Variants in LRP11 observed in about 807,000 individuals in gnomAD.
LRP11 encodes the protein low-density lipoprotein receptor-related protein 11.
Under a neutral mutation model 43.1 loss-of-function variants are expected in LRP11, and 25 were observed. The observed-to-expected ratio is 0.58, with a 90% CI of 0.42 to 0.81. LRP11 has a LOEUF of 0.81. Among genes scored for constraint, LRP11 ranks in the 30% least tolerant of loss-of-function variants. LRP11 has a pLI of 0.00. For synonymous variants in LRP11, 316 were observed against 299.4 expected (o/e 1.06, Z -0.57); for missense variants, 623 against 665.1 (o/e 0.94, Z 0.70).
In LRP11 at chr6:149,864,298, G is replaced by T; in HGVS notation, c.-278C>A. On this transcript the variant is annotated 5_prime_UTR_variant, in exon 1 of 7. Transcript: ENST00000239367. Reference sequence around the variant, plus strand: ...CCTGCGCCTCTCCGCCCCGGCCTGCGGCGCGCTGGGTGGCGACGAGTCGGC... The same window carrying T: ...CCTGCGCCTCTCCGCCCCGGCCTGCTGCGCGCTGGGTGGCGACGAGTCGGC... 2 of 1,042,678 alleles carry T rather than the reference G, an allele frequency of 1.9e-6. No individual in the cohort carries two copies. The highest frequency in any genetic ancestry group is 1.2e-6 in the Non-Finnish European group (1 of 868,136). 64.6% of individuals were successfully genotyped at this position (1,042,678 alleles called of 1,614,324 possible). A position where few individuals can be genotyped will look rare whatever the true frequency, so the allele number is the denominator to read the frequency against.
At chr6:149,858,854 C>T (rs530049101) in intron 1 of LRP11, among the ~76,000 whole-genome samples, 2 of 152,094 alleles carry the variant, frequency 1.3e-5, no homozygotes, top group Admixed American at 6.5e-5. Context: ...TTTGCTCATA[C>T]GTTCTCTTCA....
chr6:149,826,130 A>C (rs1583075776), intron 6 of LRP11, 134 bp downstream of exon 6: 3 of 762,836 alleles, frequency 3.9e-6, no homozygotes, highest in East Asian at 4.9e-5. Flanking sequence ...AGCAACGAGG[A>C]GACAGTTCTT....
intron 2 of LRP11, among the ~76,000 whole-genome samples, chr6:149,848,456 A>G (rs1182830155): frequency 2.0e-5 from 3 of 152,232 alleles, no homozygotes; most frequent in Non-Finnish European, 4.4e-5. Context: ...GCTATTCACA[A>G]TAGCAAAGAT....
chr6:149,838,432 T>A (rs1335399447), intron 3 of LRP11, among the ~76,000 whole-genome samples: 1 of 150,960 alleles, frequency 6.6e-6, no homozygotes, highest in Non-Finnish European at 1.5e-5. Context: ...ACACCTGTAA[T>A]CCCAGCACTT....
intron 2 of LRP11, among the ~76,000 whole-genome samples, chr6:149,845,242 C>T (rs528970542): frequency 2.5e-4 from 38 of 152,314 alleles, no homozygotes; most frequent in Non-Finnish European, 4.6e-4. Flanking sequence ...CCATAGTAAG[C>T]GCTTAAATAT....
At chr6:149,842,658 C>G (rs1349472127) in intron 3 of LRP11, 4 of 1,550,996 alleles carry the variant, frequency 2.6e-6, no homozygotes, top group Admixed American at 3.9e-5. Flanking sequence ...GGAACAGATG[C>G]AGCAAATGGA....
chr6:149,853,169 GAAAA>G lies in LRP11; in HGVS notation c.614-13_614-10del. ...TGGAGGCGCATCCTTTTCTGAGAAA[GAAAA>G]TAAATAATTCATAAAAGATGATTTC... On this transcript the variant is annotated splice_polypyrimidine_tract_variant and intron_variant, in intron 1 of 6. Coordinates refer to ENST00000239367, the MANE Select transcript of LRP11 (RefSeq NM_032832.6). 2 of 1,548,790 alleles carry G rather than the reference GAAAA, an allele frequency of 1.3e-6. No homozygotes were observed. Among genetic ancestry groups the G allele is most frequent in the Middle Eastern group, 3.5e-4 (2 of 5,760 alleles).
rs972734210 is a variant in LRP11 at position 149,827,313 on chromosome 6, C to T, written c.1253-954G>A. 1.3e-5 allele frequency among the ~76,000 whole-genome samples: 2 copies of T among 152,166 alleles called. No homozygotes were observed. Among genetic ancestry groups the T allele is most frequent in the African/African-American group, 4.8e-5 (2 of 41,428 alleles). On this transcript the variant is annotated intron_variant, in intron 5 of 6. Coordinates refer to ENST00000239367, the MANE Select transcript of LRP11 (RefSeq NM_032832.6). The surrounding 1 kb of genome is among the most constrained non-coding windows in gnomAD (Gnocchi z 4.2). ...CAATGAATTAGAAATAATCTACTGA[C>T]AAATTTTATTGAGAAAATTTTTAAA... is the stretch of plus-strand genomic sequence containing the variant.
At chr6:149,843,445 C>T (rs1190096520) in intron 2 of LRP11, among the ~76,000 whole-genome samples, 1 of 152,146 alleles carries the variant, frequency 6.6e-6, no homozygotes, top group Non-Finnish European at 1.5e-5. Context: ...GACTCATCAG[C>T]TTCAGGGAGA....
chr6:149,863,596 ACGGAGCAGCGCGGCT>A lies in LRP11; in HGVS notation c.410_424del (p.Glu137_Ser141del), dbSNP rs746555321. 5 of 1,432,374 alleles carry A rather than the reference ACGGAGCAGCGCGGCT, an allele frequency of 3.5e-6. No individual in the cohort carries two copies. The highest frequency in any genetic ancestry group is 2.8e-5 in the South Asian group (2 of 71,406). The allele number at this position is 1,432,374 out of a possible 1,614,324, so 88.7% of individuals were successfully genotyped here. ...GCGCCGGGGCAGCTCCACCACGGCC[ACGGAGCAGCGCGGCT>A]CGGAGCAGCAGGCCGCCACGCATTG... On this transcript the variant is annotated inframe_deletion, in exon 1 of 7. Coordinates refer to ENST00000239367, the MANE Select transcript of LRP11 (RefSeq NM_032832.6).
Position 149,820,196 on chromosome 6 carries a change from G to A in LRP11, c.*353C>T, listed in dbSNP as rs1219070120. ...GCCTATAGCAGTCCAGCATGGTAAG[G>A]GGCCAACAGTTGGCTTCTAAAAGGT... On this transcript the variant is annotated 3_prime_UTR_variant, in exon 7 of 7. Coordinates refer to ENST00000239367, the MANE Select transcript of LRP11 (RefSeq NM_032832.6). 1 of 172,698 alleles carries A rather than the reference G, an allele frequency of 5.8e-6. No homozygotes were observed. The highest frequency in any genetic ancestry group is 1.8e-4 in the East Asian group (1 of 5,704). The allele number at this position is 172,698 out of a possible 1,614,324, so 10.7% of individuals were successfully genotyped here.
At chr6:149,846,090 C>T (rs1487863544) in intron 2 of LRP11, among the ~76,000 whole-genome samples, 1 of 152,142 alleles carries the variant, frequency 6.6e-6, no homozygotes, top group East Asian at 1.9e-4. Context: ...AACTTTTCCT[C>T]CCACCTTCAT....
intron 1 of LRP11, among the ~76,000 whole-genome samples, chr6:149,855,966 A>G (rs1432686972): frequency 6.6e-6 from 1 of 152,176 alleles, no homozygotes; most frequent in Non-Finnish European, 1.5e-5. Flanking sequence ...GGACACTTGC[A>G]TTATTTTGAT....
chr6:149,831,329 T>C (rs1355596756), intron 5 of LRP11, among the ~76,000 whole-genome samples: 1 of 152,230 alleles, frequency 6.6e-6, no homozygotes, highest in Non-Finnish European at 1.5e-5. Flanking sequence ...CACGTGAATG[T>C]GGATGTAGCA....
At chr6:149,825,253 T>C (rs1284246801) in intron 6 of LRP11, among the ~76,000 whole-genome samples, 1 of 152,234 alleles carries the variant, frequency 6.6e-6, no homozygotes, top group Non-Finnish European at 1.5e-5. Context: ...TTCTAAAGGA[T>C]GGTTTCCAAA....
intron 6 of LRP11, among the ~76,000 whole-genome samples, chr6:149,821,086 G>A (rs1297780547): frequency 6.6e-6 from 1 of 151,828 alleles, no homozygotes; most frequent in African/African-American, 2.4e-5. Context: ...GCCTGCCACT[G>A]TGCCCAGCTA....
intron 3 of LRP11, chr6:149,842,607 C>A (rs577170732): frequency 2.7e-5 from 41 of 1,547,052 alleles, no homozygotes; most frequent in Non-Finnish European, 3.5e-5. Context: ...TCTGCTTCCA[C>A]GAGTTCAACT....
At position 149,863,998 on chromosome 6, in the gene LRP11, C is replaced by G. The variant is rs1776992269; in HGVS notation, c.23G>C (p.Ser8Thr). ...CGGTAGCCGGCGCTGCGAGCCCGCGCTCTCCTGGGCGACGGAGGCCATGGC... is the reference window on the plus strand; with the variant it reads ...CGGTAGCCGGCGCTGCGAGCCCGCGGTCTCCTGGGCGACGGAGGCCATGGC... MASVAQE[S>T]AGSQRRLPPR... is the part of the protein sequence containing the mutation. The change falls in exon 1 of 7, where the codon AGC (serine) becomes ACC (threonine). Residue 8 changes from serine to threonine, a missense_variant. Transcript: ENST00000239367. 2 of 1,368,068 alleles carry G rather than the reference C, an allele frequency of 1.5e-6. No homozygotes were observed. The highest frequency in any genetic ancestry group is 3.7e-5 in the Admixed American group (1 of 26,722). 84.7% of individuals were successfully genotyped at this position (1,368,068 alleles called of 1,614,324 possible).
At chr6:149,860,888 GC>G (rs1776882266) in intron 1 of LRP11, among the ~76,000 whole-genome samples, 1 of 152,156 alleles carries the variant, frequency 6.6e-6, no homozygotes, top group African/African-American at 2.4e-5. Context: ...CGCTTGCCAA[GC>G]CTTGTATACA....
Sources: allele counts gnomAD v4.1 joint callset (sites outside exome capture counted in the v4.1 genomes callset), GRCh38; gene constraint gnomAD v4.1.1; non-coding constraint Gnocchi (gnomAD v3.1); transcripts MANE v1.5; gene names NCBI Gene and HGNC (gene_info 2026-07-23, HGNC 2026-07-21).